Variants in SECTM1 observed in about 807,000 individuals in gnomAD.
SECTM1 encodes the protein secreted and transmembrane protein 1.
In SECTM1, 10 loss-of-function variants were observed where a neutral mutation model predicts 18.1. That is an observed-to-expected ratio of 0.55 (90% confidence interval 0.34 to 0.94). The LOEUF is 0.94. SECTM1 is among the 40% of genes least tolerant of loss of function. SECTM1 has a pLI of 0.02. For synonymous variants in SECTM1, 137 were observed against 139.2 expected (o/e 0.98, Z 0.11); for missense variants, 297 against 322.6 (o/e 0.92, Z 0.61).
Position 82,329,927 on chromosome 17 carries a change from C to T in SECTM1, c.-52-2635G>A, listed in dbSNP as rs546273091. Among the ~76,000 whole-genome samples, 532 of 152,266 alleles carry T rather than the reference C, an allele frequency of 3.5e-3. 3 individuals carry two copies. Among genetic ancestry groups the T allele is most frequent in the African/African-American group, 0.012 (515 of 41,556 alleles). The stretch of plus-strand genomic sequence containing the variant: ...AGGACACATGCCCCAGCTCAGCACC[C>T]GAGGCTTCATCCCATCTGCATAGTC... On this transcript the variant is annotated intron_variant, in intron 1 of 4. Coordinates refer to ENST00000269389, the MANE Select transcript of SECTM1 (RefSeq NM_003004.3). This position sits in a 1 kb window ranked among gnomAD's most constrained non-coding sequence, Gnocchi z 7.6.
At chr17:82,322,404 C>G in intron 4 of SECTM1, 34 bp from the exon 5 acceptor site, 1 of 1,599,250 alleles carries the variant, frequency 6.3e-7, no homozygotes, top group Non-Finnish European at 8.6e-7. Context: ...CTGTGTGAGC[C>G]GCGCGCCCCC....
At position 82,322,082 on chromosome 17, in the gene SECTM1, G is replaced by A. The variant is rs571288156; in HGVS notation, c.*79C>T. On this transcript the variant is annotated 3_prime_UTR_variant, in exon 5 of 5. Coordinates refer to ENST00000269389, the MANE Select transcript of SECTM1 (RefSeq NM_003004.3). ...AGCCGGTGTCTGTGCCCTCCGGGTG[G>A]GACGAGAGACCCAGGCCCCGCCACC... is the stretch of plus-strand genomic sequence containing the variant. 865 of 1,426,748 alleles carry A rather than the reference G, an allele frequency of 6.1e-4. 5 individuals carry two copies. The African/African-American group carries it at 0.011, about 18-fold the overall frequency. 88.4% of individuals were successfully genotyped at this position (1,426,748 alleles called of 1,614,324 possible).
At chr17:82,331,867 C>T (rs909213911) in intron 1 of SECTM1, among the ~76,000 whole-genome samples, 7 of 152,126 alleles carry the variant, frequency 4.6e-5, no homozygotes, top group South Asian at 2.1e-4. Context: ...GGGCCGGGCG[C>T]GGTGGCGCAT....
At chr17:82,322,754 C>T in intron 4 of SECTM1, 124 bp downstream of exon 4, 1 of 1,225,626 alleles carries the variant, frequency 8.2e-7, no homozygotes, top group Non-Finnish European at 1.1e-6. Context: ...CTCTCTGGGA[C>T]CGGTGCTCCC....
At chr17:82,327,402 C>A in intron 1 of SECTM1, 110 bp from the exon 2 acceptor site, 2 of 633,692 alleles carry the variant, frequency 3.2e-6, no homozygotes, top group Admixed American at 6.0e-5. Context: ...CCGAGCTCTT[C>A]CCCGACCTGC....
intron 2 of SECTM1, 23 bp from the exon 3 acceptor site, chr17:82,324,913 A>G (rs764138165): frequency 6.3e-7 from 1 of 1,596,856 alleles, no homozygotes; most frequent in Non-Finnish European, 8.5e-7. Flanking sequence ...ACAGAGGCAC[A>G]CACGGATCAG....
Position 82,325,242 on chromosome 17 carries a change from G to C in SECTM1, c.95-352C>G, listed in dbSNP as rs896624798. On this transcript the variant is annotated intron_variant, in intron 2 of 4. Transcript: ENST00000269389. This position sits in a 1 kb window ranked among gnomAD's most constrained non-coding sequence, Gnocchi z 7.6. ...TCAGAGCCTCAGGTGTGTGCCGGGC[G>C]GCTGCGCTGTGGCAGGAGTGCTGCC... Among the ~76,000 whole-genome samples the C allele has an allele frequency of 2.6e-5, 4 of 152,298 alleles. No individual in the cohort carries two copies. In the East Asian group the frequency reaches 7.7e-4, roughly 29 times the overall value.
intron 2 of SECTM1, 109 bp from the exon 3 acceptor site, chr17:82,324,999 C>G: frequency 1.0e-6 from 1 of 987,322 alleles, no homozygotes. Flanking sequence ...CTCTAAGGGA[C>G]ACAGTGAACT....
At chr17:82,323,662 G>GC (rs149897532) in intron 3 of SECTM1, among the ~76,000 whole-genome samples, 8,419 of 151,914 alleles carry the variant, frequency 0.055, 723 homozygotes, top group African/African-American at 0.18. Flanking sequence ...AGAACAGAGG[G>GC]CCTGGGGGCT....
chr17:82,332,644 G>A (rs1301236015), intron 1 of SECTM1, among the ~76,000 whole-genome samples: 1 of 152,176 alleles, frequency 6.6e-6, no homozygotes, highest in African/African-American at 2.4e-5. Context: ...CCCCACCCAG[G>A]CCCACGGTGT....
intron 1 of SECTM1, among the ~76,000 whole-genome samples, chr17:82,327,951 C>G (rs1343262455): frequency 7.9e-6 from 1 of 126,318 alleles, no homozygotes; most frequent in Non-Finnish European, 1.7e-5. Flanking sequence ...CACCAGCCCC[C>G]CCACCCTGCC....
At position 82,326,590 on chromosome 17, in the gene SECTM1, C is replaced by T. The variant is rs897843509; in HGVS notation, c.94+557G>A. Among the ~76,000 whole-genome samples, 1 of 150,174 alleles carries T rather than the reference C, an allele frequency of 6.7e-6. No homozygotes were observed. Among genetic ancestry groups the T allele is most frequent in the African/African-American group, 2.5e-5 (1 of 40,562 alleles). Reference sequence around the variant, plus strand: ...CTCCAGCCTGGGCGTCCAGCCTGGGCGATAGAGGTAGAACCCGTCTCAAAA... The same window carrying T: ...CTCCAGCCTGGGCGTCCAGCCTGGGTGATAGAGGTAGAACCCGTCTCAAAA... On this transcript the variant is annotated intron_variant, in intron 2 of 4. Coordinates refer to ENST00000269389, the MANE Select transcript of SECTM1 (RefSeq NM_003004.3). The surrounding 1 kb of genome is among the most constrained non-coding windows in gnomAD (Gnocchi z 4.3).
chr17:82,324,028 G>A (rs1047589750), intron 3 of SECTM1, among the ~76,000 whole-genome samples: 6 of 152,030 alleles, frequency 3.9e-5, no homozygotes, highest in South Asian at 2.1e-4. Context: ...GCCCCTGTTC[G>A]TGGTCACTAA....
At position 82,328,961 on chromosome 17, in the gene SECTM1, G is replaced by T. The variant is rs1232488554; in HGVS notation, c.-52-1669C>A. 6.6e-6 allele frequency among the ~76,000 whole-genome samples: 1 copy of T among 152,232 alleles called. No individual in the cohort carries two copies. On this transcript the variant is annotated intron_variant, in intron 1 of 4. Coordinates refer to ENST00000269389, the MANE Select transcript of SECTM1 (RefSeq NM_003004.3). The surrounding 1 kb of genome is among the most constrained non-coding windows in gnomAD (Gnocchi z 5.8). ...AACTCCCATGAGGGAACTCTGTAAA[G>T]CGACCTTCAGACGTGCTATTTATAG...
At chr17:82,324,942 T>A (rs780137610) in intron 2 of SECTM1, 52 bp from the exon 3 acceptor site, 1 of 1,542,180 alleles carries the variant, frequency 6.5e-7, no homozygotes, top group Non-Finnish European at 8.8e-7. Flanking sequence ...CTCAGGGCAT[T>A]GGCTGGCTGC....
Position 82,329,625 on chromosome 17 carries a change from T to C in SECTM1, c.-52-2333A>G, listed in dbSNP as rs1226970413. 6.6e-6 allele frequency among the ~76,000 whole-genome samples: 1 copy of C among 151,894 alleles called. No individual in the cohort carries two copies. The highest frequency in any genetic ancestry group is 1.5e-5 in the Non-Finnish European group (1 of 67,934). Reference sequence around the variant, plus strand: ...AGACAGGCTCGGGCCCCATCTCCCATCATACGTCCAGCATTCTAGATTAGC... The same window carrying C: ...AGACAGGCTCGGGCCCCATCTCCCACCATACGTCCAGCATTCTAGATTAGC... On this transcript the variant is annotated intron_variant, in intron 1 of 4. Transcript: ENST00000269389. The surrounding 1 kb of genome is among the most constrained non-coding windows in gnomAD (Gnocchi z 7.6).
intron 1 of SECTM1, 41 bp downstream of exon 1, chr17:82,333,659 C>CCCA (rs1567846734): frequency 9.9e-4 from 141 of 142,532 alleles, no homozygotes; most frequent in Non-Finnish European, 1.3e-3. Context: ...GCACCGAGCC[C>CCCA]GCCCCTCTGG....
At chr17:82,332,720 C>T (rs2052201653) in intron 1 of SECTM1, among the ~76,000 whole-genome samples, 1 of 152,206 alleles carries the variant, frequency 6.6e-6, no homozygotes, top group Non-Finnish European at 1.5e-5. Flanking sequence ...CAGCAAAGCC[C>T]CCCAGGCCTG....
chr17:82,333,894 C>T (rs367982021), upstream of SECTM1: 1 of 152,320 alleles, frequency 6.6e-6, no homozygotes, highest in East Asian at 1.9e-4. Context: ...TCACAACAAG[C>T]GTGACGGTGA....
Sources: allele counts gnomAD v4.1 joint callset (sites outside exome capture counted in the v4.1 genomes callset), GRCh38; gene constraint gnomAD v4.1.1; non-coding constraint Gnocchi (gnomAD v3.1); transcripts MANE v1.5; gene names NCBI Gene and HGNC (gene_info 2026-07-23, HGNC 2026-07-21).